OVGP1: variants seen among roughly 807,000 people sequenced by gnomAD.
OVGP1 encodes oviduct-specific glycoprotein.
OVGP1 carries 26 observed loss-of-function variants against 48.2 expected under a neutral mutation model. That is an observed-to-expected ratio of 0.54 (90% CI 0.40 to 0.75). The LOEUF is 0.75. Ranked by LOEUF, OVGP1 falls within the 30% of genes least tolerant of loss-of-function variation. The pLI is 0.00. For synonymous variants in OVGP1, 294 were observed against 305.7 expected, an observed-to-expected ratio of 0.96 and a Z score of 0.40; for missense variants, 791 against 820.6, an observed-to-expected ratio of 0.96 and a Z score of 0.44.
rs1325230837 is a variant in OVGP1 at position 111,423,129 on chromosome 1, C to T, written c.484-78G>A. 1.2e-5 allele frequency: 19 copies of T among 1,574,936 alleles called. 1 individual carries two copies. Among genetic ancestry groups the T allele is most frequent in the Non-Finnish European group, 1.4e-5 (16 of 1,153,632 alleles). On this transcript the variant is annotated intron_variant, in intron 5 of 10. Coordinates refer to ENST00000369732, the MANE Select transcript of OVGP1 (RefSeq NM_002557.4). ...CCTGGGGGGAGTGTCATCTAGGAAG[C>T]ATTTACTGAGCTCCTGAGCCAGGCT...
chr1:111,426,806 C>T, intron 2 of OVGP1, 165 bp from the exon 3 acceptor site: 2 of 1,547,296 alleles, frequency 1.3e-6, no homozygotes, highest in South Asian at 1.2e-5. Context: ...TTCTATTCCT[C>T]CCCCACTGCT....
chr1:111,426,892 G>A, intron 2 of OVGP1, 170 bp downstream of exon 2: 2 of 1,547,130 alleles, frequency 1.3e-6, no homozygotes, highest in Non-Finnish European at 1.7e-6. Flanking sequence ...AAGGCACACA[G>A]TCAGCGACAC....
At position 111,421,566 on chromosome 1, in the gene OVGP1, G is replaced by A. The variant is rs763288523; in HGVS notation, c.716C>T (p.Ser239Leu). Residue 239 changes from serine to leucine, a missense_variant and splice_region_variant, in exon 7 of 11, where the codon TCG becomes TTG. Ser to Leu is a moderately radical substitution (Grantham distance 145, BLOSUM62 -2). Coordinates refer to ENST00000369732, the MANE Select transcript of OVGP1 (RefSeq NM_002557.4). ...LFSLPEDPKS[S>L]AYAMNYWRKL... is the part of the protein sequence containing the mutation. ...ACCTGAGATCTTTCCTTTCCTTACCGAAGATTTGGGGTCTTCAGGCAGAGA... is the reference window on the plus strand; with the variant it reads ...ACCTGAGATCTTTCCTTTCCTTACCAAAGATTTGGGGTCTTCAGGCAGAGA... 30 of 1,611,246 alleles carry A rather than the reference G, an allele frequency of 1.9e-5. No individual in the cohort carries two copies. Among genetic ancestry groups the A allele is most frequent in the African/African-American group, 2.7e-5 (2 of 74,886 alleles).
chr1:111,420,819 T>TAGGG (rs1377216230), intron 8 of OVGP1, among the ~76,000 whole-genome samples: 5 of 152,050 alleles, frequency 3.3e-5, no homozygotes, highest in Non-Finnish European at 7.4e-5. Flanking sequence ...CATCTAGTAG[T>TAGGG]AGGGAGGGAG....
At chr1:111,416,253 A>G in intron 10 of OVGP1, 70 bp downstream of exon 10, 1 of 1,406,486 alleles carries the variant, frequency 7.1e-7, no homozygotes, top group Middle Eastern at 2.4e-4. Flanking sequence ...ATTTAGATCT[A>G]GCAGAAGGGC....
intron 9 of OVGP1, 105 bp downstream of exon 9, chr1:111,419,505 C>A (rs1048508332): frequency 1.4e-6 from 1 of 734,202 alleles, no homozygotes; most frequent in East Asian, 2.5e-5. Flanking sequence ...ATCATCCTCA[C>A]CTTTCACTCT....
chr1:111,421,632 C>T lies in OVGP1; in HGVS notation c.650G>A (p.Gly217Glu). 6.2e-7 allele frequency: 1 copy of T among 1,612,846 alleles called. No individual in the cohort carries two copies. Among genetic ancestry groups the T allele is most frequent in the Non-Finnish European group, 8.5e-7 (1 of 1,178,768 alleles). ...ATGTCCTGTGAACCTTTCCCAACTT[C>T]CATGTAAGTCATAAGACAAGACATT... Reference protein sequence around the residue: ...FINVLSYDLHGSWERFTGHNS... With the variant: ...FINVLSYDLHESWERFTGHNS... Residue 217 changes from glycine (G) to glutamate (E), a missense_variant, in exon 7 of 11, where the codon GGA becomes GAA. Gly to Glu is a moderately conservative substitution (Grantham distance 98, BLOSUM62 -2). Coordinates refer to ENST00000369732, the MANE Select transcript of OVGP1 (RefSeq NM_002557.4).
intron 1 of OVGP1, 27 bp from the exon 2 acceptor site, chr1:111,427,118 A>AC: frequency 1.2e-6 from 2 of 1,614,046 alleles, no homozygotes. Context: ...AAGGAGTCAC[A>AC]CAGAGATTCA....
chr1:111,425,274 T>C lies in OVGP1; in HGVS notation c.317+109A>G, dbSNP rs1652370030. 5.6e-6 allele frequency: 7 copies of C among 1,239,200 alleles called. No individual in the cohort carries two copies. The East Asian group carries it at 1.8e-4, about 31-fold the overall frequency. 76.8% of individuals were successfully genotyped at this position (1,239,200 alleles called of 1,614,324 possible). On this transcript the variant is annotated intron_variant, in intron 4 of 10. Coordinates refer to ENST00000369732, the MANE Select transcript of OVGP1 (RefSeq NM_002557.4). Reference sequence around the variant, plus strand: ...AAGATTCATGAGTTGGGGAAGTATTTGCGCTAGCTTTGCTGTCCGCATGGC... The same window carrying C: ...AAGATTCATGAGTTGGGGAAGTATTCGCGCTAGCTTTGCTGTCCGCATGGC...
Position 111,415,350 on chromosome 1 carries a change from G to C in OVGP1, c.1157-6C>G. The C allele has an allele frequency of 1.9e-6, 3 of 1,597,994 alleles. No individual in the cohort carries two copies. The highest frequency in any genetic ancestry group is 2.6e-6 in the Non-Finnish European group (3 of 1,170,214). On this transcript the variant is annotated splice_polypyrimidine_tract_variant and splice_region_variant and intron_variant, in intron 10 of 10. Coordinates refer to ENST00000369732, the MANE Select transcript of OVGP1 (RefSeq NM_002557.4). ...TAAAGAAGTTGAACTGAACTCTAGA[G>C]AAAATCAACAGAAAAGAATGAGATT...
In OVGP1 at chr1:111,425,391, G is replaced by A; in HGVS notation, c.309C>T (p.Gly103=). The A allele has an allele frequency of 6.2e-7, 1 of 1,613,472 alleles. No homozygotes were observed. The highest frequency in any genetic ancestry group is 8.5e-7 in the Non-Finnish European group (1 of 1,179,840). Residue 103 remains glycine (G), a synonymous_variant, in exon 4 of 11, where the codon GGC becomes GGT. Transcript: ENST00000369732. ...TAACAGCAAAGTCTCACCTTGAGGTGCCAAAGTTCCACCCGCCGATGGACA... is the reference window on the plus strand; with the variant it reads ...TAACAGCAAAGTCTCACCTTGAGGTACCAAAGTTCCACCCGCCGATGGACA... The part of the protein sequence containing the change: ...TLLSIGGWNF[G]TSRFTTMLST...
chr1:111,427,600 G>T, intron 1 of OVGP1, 97 bp downstream of exon 1: 1 of 1,433,862 alleles, frequency 7.0e-7, no homozygotes, highest in Non-Finnish European at 9.8e-7. Context: ...GCTTCCCTGA[G>T]TCTCAGGCTG....
At position 111,415,048 on chromosome 1, in the gene OVGP1, G is replaced by A. The variant is rs200324864; in HGVS notation, c.1453C>T (p.Gln485Ter). ...GAMTMTSVGH[Q>*]SMTPGEKALT... ...GCCTTCTCTCCAGGGGTCATGGACT[G>A]ATGACCCACAGAAGTCATGGTCATT... The change falls in exon 11 of 11, where the codon CAG (glutamine) becomes TAG (stop). Residue 485 changes from glutamine to a stop codon, truncating the protein, a stop_gained. Coordinates refer to ENST00000369732, the MANE Select transcript of OVGP1 (RefSeq NM_002557.4). LOFTEE classifies it low-confidence loss of function (END_TRUNC). 6.2e-7 allele frequency: 1 copy of A among 1,613,342 alleles called. No homozygotes were observed. The highest frequency in any genetic ancestry group is 8.5e-7 in the Non-Finnish European group (1 of 1,179,272).
At chr1:111,426,165 T>C (rs753062053) in intron 3 of OVGP1, among the ~76,000 whole-genome samples, 10 of 152,096 alleles carry the variant, frequency 6.6e-5, no homozygotes, top group Non-Finnish European at 1.2e-4. Flanking sequence ...CACAACTAGG[T>C]TCAAAGGCTG....
chr1:111,416,230 G>T, intron 10 of OVGP1, 93 bp downstream of exon 10: 2 of 1,313,474 alleles, frequency 1.5e-6, no homozygotes, highest in Non-Finnish European at 2.0e-6. Flanking sequence ...ATGTCATGTT[G>T]CCTCACCAAG....
chr1:111,419,587 G>A (rs1419092), intron 9 of OVGP1, 23 bp downstream of exon 9: 96,620 of 1,344,890 alleles, frequency 0.072, 5,942 homozygotes, highest in African/African-American at 0.27. Flanking sequence ...ATGTGCTGGA[G>A]CATGAAAGAG....
chr1:111,415,272 C>G lies in OVGP1; in HGVS notation c.1229G>C (p.Arg410Thr). 1.9e-6 allele frequency: 3 copies of G among 1,614,196 alleles called. No homozygotes were observed. The highest frequency in any genetic ancestry group is 2.5e-6 in the Non-Finnish European group (3 of 1,180,024). ...AVNSSSTDPE[R>T]LAVTTAWTTD... ...GGTCCATGCCGTGGTCACAGCCAGC[C>G]TTTCAGGGTCAGTGCTTGAAGAATT... Residue 410 changes from arginine to threonine, a missense_variant, in exon 11 of 11, where the codon AGG becomes ACG. Arg to Thr is a moderately conservative substitution (Grantham distance 71). Transcript: ENST00000369732.
chr1:111,421,369 G>C lies in OVGP1; in HGVS notation c.810C>G (p.Leu270=), dbSNP rs753823940. 1.7e-5 allele frequency: 27 copies of C among 1,614,050 alleles called. No individual in the cohort carries two copies. The highest frequency in any genetic ancestry group is 2.3e-5 in the Non-Finnish European group (27 of 1,180,032). ...CCTGCAACCCATTCTTAGAGGCTTT[G>C]AGGAGGCGAAAGGTACGTCCATAGG... The part of the protein sequence containing the change: ...IPTYGRTFRL[L]KASKNGLQAR... Residue 270 remains leucine (L), a synonymous_variant, in exon 8 of 11, where the codon CTC becomes CTG. Transcript: ENST00000369732.
Position 111,414,550 on chromosome 1 carries a change from A to C in OVGP1, c.1951T>G (p.Ser651Ala), listed in dbSNP as rs748323117. Residue 651 changes from serine (S) to alanine (A), a missense_variant, in exon 11 of 11, where the codon TCT becomes GCT. Ser to Ala is a moderately conservative substitution (Grantham distance 99). Transcript: ENST00000369732. ...GTTTGAGGGGTTACTGAGTTGACAG[A>C]GGAATGGTTTCCATAGATGGGAACA... ...RFVPIYGNHS[S>A]VNSVTPQTSP... 16 of 1,614,054 alleles carry C rather than the reference A, an allele frequency of 9.9e-6. No homozygotes were observed. The highest frequency in any genetic ancestry group is 6.7e-5 in the East Asian group (3 of 44,890).
Sources: allele counts gnomAD v4.1 joint callset (sites outside exome capture counted in the v4.1 genomes callset), GRCh38; gene constraint gnomAD v4.1.1; transcripts MANE v1.5; gene names NCBI Gene and HGNC (gene_info 2026-07-23, HGNC 2026-07-21).